Variants in SRL observed in about 807,000 individuals in gnomAD.
The protein encoded by SRL is sarcalumenin.
A neutral mutation model predicts 39.5 loss-of-function variants in SRL; 23 were observed. The observed-to-expected ratio is 0.58, with a 90% CI of 0.42 to 0.82. SRL has a LOEUF of 0.82. Ranked by LOEUF, SRL falls within the 40% of genes least tolerant of loss-of-function variation. The probability of loss-of-function intolerance (pLI) is 0.00; values close to 1 mark genes in which losing one functional copy is unlikely to be tolerated. For synonymous variants in SRL, 272 were observed against 237.4 expected (o/e 1.15, Z -1.34); for missense variants, 592 against 607.8 (o/e 0.97, Z 0.27).
chr16:4,221,418 C>T (rs1049780097), intron 1 of SRL, among the ~76,000 whole-genome samples: 2 of 152,176 alleles, frequency 1.3e-5, no homozygotes, highest in Non-Finnish European at 2.9e-5. Flanking sequence ...CTCCCTAGTT[C>T]CCAAAGGACT....
intron 5 of SRL, among the ~76,000 whole-genome samples, chr16:4,193,192 A>C (rs573951762): frequency 4.6e-5 from 7 of 152,260 alleles, no homozygotes; most frequent in African/African-American, 1.7e-4. Context: ...TTTTTGAGAC[A>C]GGGTCTCACT....
Position 4,190,602 on chromosome 16 carries a change from T to C in SRL, c.*1551A>G, listed in dbSNP as rs2052049022. 1.8e-5 allele frequency: 7 copies of C among 397,798 alleles called. No individual in the cohort carries two copies. In the East Asian group the frequency reaches 2.5e-4, roughly 14 times the overall value. The allele number at this position is 397,798 out of a possible 1,614,324, so 24.6% of individuals were successfully genotyped here. ...CCTTGCAAGACTGTTACAAGTTCTC[T>C]ACTCCCTAGAGTCTATGTGATCTCC... On this transcript the variant is annotated 3_prime_UTR_variant, in exon 6 of 6. Coordinates refer to ENST00000399609, the MANE Select transcript of SRL (RefSeq NM_001098814.2).
chr16:4,241,694 C>T (rs1267656316), intron 1 of SRL, among the ~76,000 whole-genome samples: 1 of 152,184 alleles, frequency 6.6e-6, no homozygotes, highest in Non-Finnish European at 1.5e-5. Flanking sequence ...TCCCCCGTCT[C>T]GACTTTGAGG....
At chr16:4,207,948 C>A (rs1179855830) in intron 1 of SRL, 5 of 456,782 alleles carry the variant, frequency 1.1e-5, no homozygotes, top group South Asian at 4.6e-5. Flanking sequence ...GGCCTCCCTG[C>A]CATCTGGGTA....
At chr16:4,225,164 T>A (rs1252446908) in intron 1 of SRL, among the ~76,000 whole-genome samples, 2 of 148,748 alleles carry the variant, frequency 1.3e-5, no homozygotes. Flanking sequence ...TGATAAAAAA[T>A]GTTCTAAAAT....
intron 1 of SRL, among the ~76,000 whole-genome samples, chr16:4,216,816 A>T (rs946893929): frequency 1.3e-5 from 2 of 152,180 alleles, no homozygotes; most frequent in African/African-American, 4.8e-5. Flanking sequence ...GTTCTGAGAC[A>T]GACCAAGGCA....
intron 2 of SRL, among the ~76,000 whole-genome samples, chr16:4,204,302 C>T (rs2052281505): frequency 6.6e-6 from 1 of 151,614 alleles, no homozygotes; most frequent in African/African-American, 2.4e-5. Flanking sequence ...CCTCTGTGCC[C>T]ACCTGGAACC....
At chr16:4,225,743 G>A (rs1008587718) in intron 1 of SRL, among the ~76,000 whole-genome samples, 13 of 151,786 alleles carry the variant, frequency 8.6e-5, no homozygotes, top group Middle Eastern at 3.4e-3. Context: ...ACCCTTTCCC[G>A]AGCTGCCTGC....
intron 1 of SRL, chr16:4,207,582 A>T (rs1405603525): frequency 4.4e-6 from 2 of 450,700 alleles, no homozygotes; most frequent in African/African-American, 4.0e-5. Context: ...TGCTCCCTGC[A>T]CCAGGCTGTC....
chr16:4,200,757 C>G (rs1045679376), intron 3 of SRL, among the ~76,000 whole-genome samples: 3 of 152,238 alleles, frequency 2.0e-5, no homozygotes, highest in African/African-American at 4.8e-5. Flanking sequence ...AGCTGTGGAA[C>G]AGGGTATTCC....
At chr16:4,199,693 CT>C (rs35631556) in intron 3 of SRL, among the ~76,000 whole-genome samples, 82 of 96,462 alleles carry the variant, frequency 8.5e-4, no homozygotes, top group Admixed American at 1.4e-3. Context: ...TTTTCTTTTC[CT>C]TTTTTTTTTT....
intron 1 of SRL, among the ~76,000 whole-genome samples, chr16:4,226,510 G>T (rs1000822281): frequency 4.0e-5 from 6 of 151,852 alleles, no homozygotes; most frequent in African/African-American, 1.5e-4. Flanking sequence ...TGGAAGGATG[G>T]ATGGATGGAT....
chr16:4,208,701 A>G (rs897656780), intron 1 of SRL, among the ~76,000 whole-genome samples: 3 of 152,190 alleles, frequency 2.0e-5, no homozygotes, highest in African/African-American at 7.2e-5. Flanking sequence ...TGTGGCTCTC[A>G]ACCTTATTAA....
intron 2 of SRL, 32 bp downstream of exon 2, chr16:4,204,501 C>G (rs762430465): frequency 3.1e-6 from 5 of 1,602,106 alleles, no homozygotes; most frequent in Non-Finnish European, 3.4e-6. Flanking sequence ...CGGGCTCTCC[C>G]AGCCCTGGGC....
At chr16:4,204,684 G>A (rs370126414) in intron 1 of SRL, 50 bp from the exon 2 acceptor site, 121 of 1,555,954 alleles carry the variant, frequency 7.8e-5, no homozygotes, top group Non-Finnish European at 9.7e-5. Context: ...ACAGCCAGCT[G>A]AGCTCTGGGC....
Position 4,190,730 on chromosome 16 carries a change from C to T in SRL, c.*1423G>A, listed in dbSNP as rs995228170. The T allele has an allele frequency of 1.4e-5, 5 of 356,376 alleles. No homozygotes were observed. Among genetic ancestry groups the T allele is most frequent in the South Asian group, 1.5e-4 (1 of 6,632 alleles). 22.1% of individuals were successfully genotyped at this position (356,376 alleles called of 1,614,324 possible). A position where few individuals can be genotyped will look rare whatever the true frequency, so the allele number is the denominator to read the frequency against. ...AGTGGACATCTGCATCAAGGTCAGG[C>T]GGGAAGGTCAATGTTAAGCCTTGGT... On this transcript the variant is annotated 3_prime_UTR_variant, in exon 6 of 6. Coordinates refer to ENST00000399609, the MANE Select transcript of SRL (RefSeq NM_001098814.2).
At chr16:4,223,231 CAAA>C (rs34513855) in intron 1 of SRL, among the ~76,000 whole-genome samples, 27 of 96,128 alleles carry the variant, frequency 2.8e-4, no homozygotes, top group East Asian at 1.4e-3. Flanking sequence ...AACTCTGTCT[CAAA>C]AAAAAAAAAA....
intron 5 of SRL, 55 bp from the exon 6 acceptor site, chr16:4,193,019 G>A (rs72764668): frequency 0.14 from 208,631 of 1,477,250 alleles, 16,034 homozygotes; most frequent in Admixed American, 0.22. Context: ...CAAAGCCCGC[G>A]CACCTCCTTT....
intron 1 of SRL, among the ~76,000 whole-genome samples, chr16:4,214,205 T>G (rs1454781238): frequency 6.6e-6 from 1 of 152,208 alleles, no homozygotes; most frequent in Non-Finnish European, 1.5e-5. Flanking sequence ...GTGTTGAATG[T>G]ATTCAGTGCC....
Sources: allele counts gnomAD v4.1 joint callset (sites outside exome capture counted in the v4.1 genomes callset), GRCh38; gene constraint gnomAD v4.1.1; transcripts MANE v1.5; gene names NCBI Gene and HGNC (gene_info 2026-07-23, HGNC 2026-07-21).